The following SPAG16 variants were observed in gnomAD, a reference collection of about 807,000 sequenced individuals.
SPAG16 encodes sperm-associated antigen 16 protein.
A neutral mutation model predicts 80.4 loss-of-function variants in SPAG16; 86 were observed. The ratio of observed to expected loss-of-function variants is 1.07; its 90% confidence interval spans 0.90 to 1.28. SPAG16 has a LOEUF of 1.28. Ranked by LOEUF, SPAG16 falls within the 50% of genes most tolerant of loss-of-function variation. SPAG16 has a pLI of 0.00. For synonymous variants in SPAG16, 294 were observed against 265.9 expected (o/e 1.11, Z -1.03); for missense variants, 870 against 765.3 (o/e 1.14, Z -1.61).
intron 3 of SPAG16, among the ~76,000 whole-genome samples, chr2:213,305,186 A>G (rs1425590185): frequency 1.3e-5 from 2 of 152,228 alleles, no homozygotes; most frequent in African/African-American, 2.4e-5. Context: ...AACTGTCAGC[A>G]TATAGAAATA....
chr2:213,365,099 G>A (rs2066209038), intron 8 of SPAG16: 2 of 152,136 alleles, frequency 1.3e-5, no homozygotes, highest in Non-Finnish European at 2.9e-5. Flanking sequence ...AGCCAAAAAT[G>A]GAACTGCCTT....
intron 9 of SPAG16, among the ~76,000 whole-genome samples, chr2:213,438,444 A>C (rs1249831975): frequency 6.6e-6 from 1 of 152,250 alleles, no homozygotes; most frequent in Non-Finnish European, 1.5e-5. Context: ...TTATATAACA[A>C]GTTTTATTTG....
chr2:214,225,096 T>G (rs2058671113), intron 15 of SPAG16, among the ~76,000 whole-genome samples: 1 of 152,070 alleles, frequency 6.6e-6, no homozygotes, highest in East Asian at 1.9e-4. Flanking sequence ...AGAACAAACC[T>G]CAAGTTTAAA....
chr2:214,363,430 T>G (rs1453074683), intron 15 of SPAG16, among the ~76,000 whole-genome samples: 1 of 152,048 alleles, frequency 6.6e-6, no homozygotes, highest in Non-Finnish European at 1.5e-5. Flanking sequence ...GTACATATTT[T>G]TAAATCAATT....
chr2:213,705,790 TTGTTG>T (rs763385795), intron 10 of SPAG16, among the ~76,000 whole-genome samples: 10,214 of 91,090 alleles, frequency 0.11, 1,041 homozygotes, highest in African/African-American at 0.32. Context: ...GGAGGGTTTG[TTGTTG>T]TTGTTGTTGT....
intron 15 of SPAG16, among the ~76,000 whole-genome samples, chr2:214,214,377 C>T (rs147882097): frequency 0.011 from 1,610 of 152,148 alleles, 18 homozygotes; most frequent in Admixed American, 0.018. Context: ...ACCATGTTGG[C>T]CAGGCTGGTC....
intron 10 of SPAG16, among the ~76,000 whole-genome samples, chr2:213,613,839 G>A (rs1315001852): frequency 6.6e-6 from 1 of 151,988 alleles, no homozygotes; most frequent in East Asian, 1.9e-4. Flanking sequence ...TCTCCCTATA[G>A]GAATAAAAAA....
Position 213,466,313 on chromosome 2 carries a change from A to G in SPAG16, c.943-23650A>G, listed in dbSNP as rs945264225. On this transcript the variant is annotated intron_variant, in intron 9 of 15. Coordinates refer to ENST00000331683, the MANE Select transcript of SPAG16 (RefSeq NM_024532.5). The stretch of plus-strand genomic sequence containing the variant: ...ACTAATACACCTTCCTCACTGATAC[A>G]TAAAGATTTAACATCTTCCCTATGG... Among the ~76,000 whole-genome samples the G allele has an allele frequency of 2.0e-4, 31 of 152,196 alleles. 1 individual carries two copies. Among genetic ancestry groups the G allele is most frequent in the Non-Finnish European group, 4.4e-4 (30 of 68,030 alleles).
chr2:213,342,413 AAGG>A (rs2064748158), intron 6 of SPAG16, among the ~76,000 whole-genome samples: 1 of 148,854 alleles, frequency 6.7e-6, no homozygotes, highest in East Asian at 1.9e-4. Context: ...GCTAATCAGA[AAGG>A]AGGATAGAAC....
intron 10 of SPAG16, among the ~76,000 whole-genome samples, chr2:213,858,353 G>A (rs1008704724): frequency 6.6e-6 from 1 of 152,158 alleles, no homozygotes; most frequent in African/African-American, 2.4e-5. Context: ...CCACAACTCT[G>A]ATTGGTCAGC....
At chr2:213,792,997 C>CTGG (rs2070801338) in intron 10 of SPAG16, among the ~76,000 whole-genome samples, 1 of 151,392 alleles carries the variant, frequency 6.6e-6, no homozygotes, top group African/African-American at 2.4e-5. Flanking sequence ...CGTGATCTCA[C>CTGG]CTCACTGCAA....
At chr2:213,845,766 T>A (rs2074591835) in intron 10 of SPAG16, among the ~76,000 whole-genome samples, 1 of 152,210 alleles carries the variant, frequency 6.6e-6, no homozygotes, top group South Asian at 2.1e-4. Flanking sequence ...GCTGGGCCAT[T>A]CTGCTGTTTG....
chr2:214,163,587 T>TATAC (rs1553517997), intron 15 of SPAG16, among the ~76,000 whole-genome samples: 7 of 148,220 alleles, frequency 4.7e-5, no homozygotes, highest in Non-Finnish European at 7.5e-5. Flanking sequence ...TATATATATA[T>TATAC]ACACACACAT....
chr2:214,161,525 G>A (rs1349177343), intron 15 of SPAG16, among the ~76,000 whole-genome samples: 1 of 152,108 alleles, frequency 6.6e-6, no homozygotes, highest in Non-Finnish European at 1.5e-5. Flanking sequence ...TGTCATTGTG[G>A]TTTTGATTTG....
At chr2:213,459,687 A>T (rs764217391) in intron 9 of SPAG16, among the ~76,000 whole-genome samples, 53 of 152,232 alleles carry the variant, frequency 3.5e-4, no homozygotes, top group Admixed American at 5.2e-4. Flanking sequence ...AAAGATTCAG[A>T]AGAAAATGAA....
At chr2:213,537,679 T>A (rs1284612437) in intron 10 of SPAG16, among the ~76,000 whole-genome samples, 1 of 152,184 alleles carries the variant, frequency 6.6e-6, no homozygotes, top group Admixed American at 6.5e-5. Flanking sequence ...TTTTTTTCTG[T>A]ATCTTGATTT....
At chr2:214,084,682 C>T (rs2125278668) in intron 13 of SPAG16, among the ~76,000 whole-genome samples, 1 of 152,294 alleles carries the variant, frequency 6.6e-6, no homozygotes, top group Non-Finnish European at 1.5e-5. Context: ...CAGCAGGTCT[C>T]TCCCCCAATT....
At chr2:213,935,584 T>C (rs867885160) in intron 12 of SPAG16, among the ~76,000 whole-genome samples, 2 of 152,224 alleles carry the variant, frequency 1.3e-5, no homozygotes, top group Admixed American at 6.5e-5. Flanking sequence ...AGACTAGTTA[T>C]AAATTATAAA....
chr2:214,005,578 A>G (rs1575797339), intron 12 of SPAG16, among the ~76,000 whole-genome samples: 1 of 152,184 alleles, frequency 6.6e-6, no homozygotes, highest in African/African-American at 2.4e-5. Flanking sequence ...GGTGAATCTT[A>G]TGGTAGAGCT....
Sources: gnomAD v4.1 joint callset for allele counts (sites outside exome capture counted in the v4.1 genomes callset) on GRCh38, gnomAD v4.1.1 for gene constraint, MANE v1.5 for transcripts, NCBI Gene and HGNC (gene_info 2026-07-23, HGNC 2026-07-21) for gene names.